MAP3K5: variants seen among roughly 807,000 people sequenced by gnomAD.
MAP3K5 encodes the protein ASK-1.
Under a neutral mutation model 158.7 loss-of-function variants are expected in MAP3K5, and 56 were observed. The observed-to-expected ratio is 0.35, with a 90% CI of 0.28 to 0.44. MAP3K5 has a LOEUF of 0.44. Among genes scored for constraint, MAP3K5 ranks in the 20% least tolerant of loss-of-function variants. The pLI, the probability that MAP3K5 is intolerant of heterozygous loss-of-function variation, is 1.00. For missense variants in MAP3K5, 1,294 were observed against 1,674.8 expected, an observed-to-expected ratio of 0.77 and a Z score of 3.97; for synonymous variants, 579 against 601.7, an observed-to-expected ratio of 0.96 and a Z score of 0.55.
intron 12 of MAP3K5, 145 bp from the exon 13 acceptor site, chr6:136,639,783 GAT>G: frequency 1.7e-6 from 1 of 578,460 alleles, no homozygotes; most frequent in Admixed American, 3.6e-5. Context: ...TTTAAAAAGT[GAT>G]ACTTCCTGCA....
intron 25 of MAP3K5, 55 bp from the exon 26 acceptor site, chr6:136,567,929 T>C: frequency 2.6e-6 from 4 of 1,566,608 alleles, no homozygotes; most frequent in Non-Finnish European, 3.5e-6. Flanking sequence ...ATTGCCTTAA[T>C]TTCTTAAGAT....
chr6:136,561,938 G>T (rs967761211), intron 27 of MAP3K5, among the ~76,000 whole-genome samples: 2 of 152,150 alleles, frequency 1.3e-5, no homozygotes, highest in African/African-American at 4.8e-5. Flanking sequence ...ATTAGACTTT[G>T]TGTTTTTCAT....
chr6:136,637,431 C>T (rs1167893654), intron 13 of MAP3K5, 25 bp from the exon 14 acceptor site: 1 of 1,267,498 alleles, frequency 7.9e-7, no homozygotes, highest in African/African-American at 1.5e-5. Context: ...AGCACGTGAG[C>T]ATTCATAACA....
At chr6:136,705,570 T>C (rs1414455747) in intron 2 of MAP3K5, among the ~76,000 whole-genome samples, 1 of 152,162 alleles carries the variant, frequency 6.6e-6, no homozygotes, top group Non-Finnish European at 1.5e-5. Flanking sequence ...CCTCCCAAAA[T>C]GCTGGGATTA....
At chr6:136,602,000 G>A (rs1775898055) in intron 19 of MAP3K5, 21 bp from the exon 20 acceptor site, 1 of 1,603,470 alleles carries the variant, frequency 6.2e-7, no homozygotes, top group East Asian at 2.2e-5. Flanking sequence ...AATATAAAAA[G>A]TGCAATGTGC....
At chr6:136,635,485 C>T (rs962096176) in intron 14 of MAP3K5, among the ~76,000 whole-genome samples, 4 of 151,978 alleles carry the variant, frequency 2.6e-5, no homozygotes, top group African/African-American at 9.7e-5. Flanking sequence ...CCAAATTAGG[C>T]CTGTCATCTT....
At chr6:136,599,168 A>AGGG (rs60470020) in intron 21 of MAP3K5, among the ~76,000 whole-genome samples, 5 of 121,710 alleles carry the variant, frequency 4.1e-5, no homozygotes, top group African/African-American at 9.0e-5. Context: ...CAAAAAAAAA[A>AGGG]GGGGGGGGGG....
intron 1 of MAP3K5, among the ~76,000 whole-genome samples, chr6:136,730,107 A>G (rs555475400): frequency 2.6e-5 from 4 of 151,422 alleles, no homozygotes; most frequent in African/African-American, 9.7e-5. Context: ...TGAGTAACTG[A>G]GACCACAAGT....
At chr6:136,602,146 A>G (rs1305266313) in intron 19 of MAP3K5, among the ~76,000 whole-genome samples, 167 bp from the exon 20 acceptor site, 2 of 152,234 alleles carry the variant, frequency 1.3e-5, no homozygotes, top group East Asian at 3.8e-4. Flanking sequence ...TGCAGGTTAT[A>G]GAAGATCAAC....
chr6:136,667,085 C>T (rs1779259073), intron 8 of MAP3K5, among the ~76,000 whole-genome samples: 1 of 152,112 alleles, frequency 6.6e-6, no homozygotes, highest in African/African-American at 2.4e-5. Flanking sequence ...ATTTTCAAAC[C>T]ATTGTCATTG....
intron 14 of MAP3K5, among the ~76,000 whole-genome samples, chr6:136,627,729 G>A (rs1246245276): frequency 6.6e-6 from 1 of 152,146 alleles, no homozygotes; most frequent in African/African-American, 2.4e-5. Flanking sequence ...GAATCTGCTG[G>A]TGCCTTGATC....
chr6:136,733,051 G>T (rs1181760155), intron 1 of MAP3K5, among the ~76,000 whole-genome samples: 1 of 152,182 alleles, frequency 6.6e-6, no homozygotes, highest in Non-Finnish European at 1.5e-5. Flanking sequence ...CCAGGCTGAA[G>T]TACAGTGGCA....
intron 15 of MAP3K5, among the ~76,000 whole-genome samples, chr6:136,616,710 A>G (rs1776580548): frequency 6.6e-6 from 1 of 151,772 alleles, no homozygotes; most frequent in Non-Finnish European, 1.5e-5. Context: ...CTCGATGATG[A>G]TGATGATGAT....
At chr6:136,717,884 T>G (rs1781592137) in intron 2 of MAP3K5, among the ~76,000 whole-genome samples, 1 of 152,020 alleles carries the variant, frequency 6.6e-6, no homozygotes, top group Non-Finnish European at 1.5e-5. Context: ...AGCAAAAGTT[T>G]AAGTTAATAG....
chr6:136,639,657 A>C lies in MAP3K5; in HGVS notation c.1839-19T>G. 7.8e-7 allele frequency: 1 copy of C among 1,281,646 alleles called. No homozygotes were observed. The highest frequency in any genetic ancestry group is 1.1e-6 in the Non-Finnish European group (1 of 896,130). The allele number at this position is 1,281,646 out of a possible 1,614,324, so 79.4% of individuals were successfully genotyped here. On this transcript the variant is annotated intron_variant, in intron 12 of 29. Coordinates refer to ENST00000359015, the MANE Select transcript of MAP3K5 (RefSeq NM_005923.4). ...AGAAATACTGAAACCAACAAACAAA[A>C]AGGCATTATTCAGAGAACTATCAAT...
At chr6:136,728,427 A>G (rs1455060409) in intron 1 of MAP3K5, among the ~76,000 whole-genome samples, 2 of 152,162 alleles carry the variant, frequency 1.3e-5, no homozygotes, top group Non-Finnish European at 2.9e-5. Flanking sequence ...GGAAACTGCA[A>G]AAGTCCTGTT....
At chr6:136,578,829 G>T (rs1290608785) in intron 25 of MAP3K5, among the ~76,000 whole-genome samples, 1 of 151,970 alleles carries the variant, frequency 6.6e-6, no homozygotes, top group Non-Finnish European at 1.5e-5. Context: ...AGAAGGGTTG[G>T]CCTGAACTTA....
intron 12 of MAP3K5, 136 bp from the exon 13 acceptor site, chr6:136,639,774 T>C (rs1309124008): frequency 1.7e-6 from 1 of 582,178 alleles, no homozygotes; most frequent in Non-Finnish European, 3.1e-6. Context: ...AAATAGCACT[T>C]TAAAAAGTGA....
intron 14 of MAP3K5, 80 bp downstream of exon 14, chr6:136,637,245 C>A: frequency 7.7e-7 from 1 of 1,296,168 alleles, no homozygotes; most frequent in Non-Finnish European, 1.1e-6. Flanking sequence ...CCTCATACAC[C>A]CTGCCTCCTG....
Sources: allele counts gnomAD v4.1 joint callset (sites outside exome capture counted in the v4.1 genomes callset), GRCh38; gene constraint gnomAD v4.1.1; transcripts MANE v1.5; gene names NCBI Gene and HGNC (gene_info 2026-07-23, HGNC 2026-07-21).